The following RBFOX3 variants were observed in gnomAD, a reference collection of about 807,000 sequenced individuals.
The protein encoded by RBFOX3 is RNA binding protein fox-1 homolog 3.
Under a neutral mutation model 48.7 loss-of-function variants are expected in RBFOX3, and 17 were observed. That is an observed-to-expected ratio of 0.35 (90% CI 0.24 to 0.52). The LOEUF (loss-of-function observed/expected upper bound fraction) is 0.52. RBFOX3 is among the 20% of genes least tolerant of loss of function. RBFOX3 has a pLI of 0.94. For synonymous variants in RBFOX3, 212 were observed against 209.5 expected (o/e 1.01, Z -0.10); for missense variants, 382 against 497.5 (o/e 0.77, Z 2.21).
intron 4 of RBFOX3, among the ~76,000 whole-genome samples, chr17:79,209,309 C>T (rs764312725): frequency 6.6e-6 from 1 of 152,218 alleles, no homozygotes; most frequent in Non-Finnish European, 1.5e-5. Context: ...CATGTTTGCA[C>T]CTGCTCTGTA....
intron 2 of RBFOX3, among the ~76,000 whole-genome samples, chr17:79,360,682 G>A (rs186747514): frequency 6.6e-5 from 10 of 152,116 alleles, no homozygotes; most frequent in African/African-American, 1.4e-4. Flanking sequence ...ATTTCCCTCC[G>A]CCATCTGTTA....
chr17:79,123,226 T>C (rs1247861621), intron 4 of RBFOX3, among the ~76,000 whole-genome samples: 1 of 152,234 alleles, frequency 6.6e-6, no homozygotes, highest in Non-Finnish European at 1.5e-5. Context: ...GTATTGTGTG[T>C]AACAGAAAGG....
intron 2 of RBFOX3, among the ~76,000 whole-genome samples, chr17:79,371,951 G>A (rs1166980913): frequency 6.6e-6 from 1 of 152,154 alleles, no homozygotes; most frequent in Admixed American, 6.5e-5. Flanking sequence ...GCAGGCCAAG[G>A]AGAGGTGCAG....
chr17:79,346,587 G>C (rs1397718032), intron 2 of RBFOX3, among the ~76,000 whole-genome samples: 2 of 152,108 alleles, frequency 1.3e-5, no homozygotes, highest in South Asian at 4.1e-4. Flanking sequence ...CTAATTTTTG[G>C]TGTCTTAATC....
At chr17:79,120,307 C>T (rs8076063) in intron 4 of RBFOX3, among the ~76,000 whole-genome samples, 135,874 of 152,152 alleles carry the variant, frequency 0.89, 60,956 homozygotes, top group Non-Finnish European at 0.94. Flanking sequence ...TACGTATGTA[C>T]GTATGTATGC....
At chr17:79,499,182 A>G (rs2082048047) in intron 1 of RBFOX3, among the ~76,000 whole-genome samples, 1 of 149,910 alleles carries the variant, frequency 6.7e-6, no homozygotes, top group Non-Finnish European at 1.5e-5. Context: ...CTACCCATTC[A>G]CTCATCTATT....
chr17:79,427,879 A>G (rs575837856), intron 2 of RBFOX3, among the ~76,000 whole-genome samples: 1 of 152,356 alleles, frequency 6.6e-6, no homozygotes, highest in African/African-American at 2.4e-5. Flanking sequence ...CACGTCCCTG[A>G]GGATGCTTTG....
In RBFOX3 at chr17:79,301,401, G is replaced by A. The variant is rs186580341; in HGVS notation, c.-74+6323C>T. Among the ~76,000 whole-genome samples the A allele has an allele frequency of 3.3e-5, 5 of 152,328 alleles. No homozygotes were observed. In the East Asian group the frequency reaches 7.7e-4, roughly 23 times the overall value. On this transcript the variant is annotated intron_variant, in intron 3 of 14. Transcript: ENST00000693108. ...CCCATAAGCCTTGTGCAGCACCAGCGGGAACACTGCCTTGGTGGCATGTGT... is the reference window on the plus strand; with the variant it reads ...CCCATAAGCCTTGTGCAGCACCAGCAGGAACACTGCCTTGGTGGCATGTGT...
At chr17:79,540,910 C>T (rs895225670) in intron 1 of RBFOX3, among the ~76,000 whole-genome samples, 1 of 152,290 alleles carries the variant, frequency 6.6e-6, no homozygotes, top group East Asian at 1.9e-4. Context: ...AGACACGGGG[C>T]CACTAGCTGC....
At chr17:79,433,816 TC>T (rs2068910796) in intron 2 of RBFOX3, among the ~76,000 whole-genome samples, 1 of 152,146 alleles carries the variant, frequency 6.6e-6, no homozygotes, top group Non-Finnish European at 1.5e-5. Context: ...AACCAAGGGC[TC>T]CCGGGGAAAT....
At chr17:79,108,824 C>T (rs1018601405) in intron 5 of RBFOX3, among the ~76,000 whole-genome samples, 3 of 152,242 alleles carry the variant, frequency 2.0e-5, no homozygotes, top group East Asian at 1.9e-4. Context: ...CACAGCCTCC[C>T]CCGTACCACA....
At chr17:79,386,684 G>A (rs551158382) in intron 2 of RBFOX3, among the ~76,000 whole-genome samples, 36 of 152,236 alleles carry the variant, frequency 2.4e-4, no homozygotes, top group African/African-American at 8.2e-4. Flanking sequence ...TTCCCCACCC[G>A]ACATCTTGGC....
rs2059656425 is a variant in RBFOX3, at chr17:79,220,981, T to TCCC, written c.-34+14784_-34+14785insGGG. Among the ~76,000 whole-genome samples, 1 of 152,178 alleles carries TCCC rather than the reference T, an allele frequency of 6.6e-6. No homozygotes were observed. The highest frequency in any genetic ancestry group is 2.4e-5 in the African/African-American group (1 of 41,444). On this transcript the variant is annotated intron_variant, in intron 4 of 14. Transcript: ENST00000693108. This position sits in a 1 kb window ranked among gnomAD's most constrained non-coding sequence, Gnocchi z 5.9. ...GCCTGCATCTAACGTCTGTCCTGCCTCAGCGTTTTCCAGGACACCCCATCC... is the reference window on the plus strand; with the variant it reads ...GCCTGCATCTAACGTCTGTCCTGCCTCCCCAGCGTTTTCCAGGACACCCCATCC...
intron 1 of RBFOX3, among the ~76,000 whole-genome samples, chr17:79,558,201 GAGGGCCACGTGGCCC>G (rs1190129486): frequency 2.5e-3 from 384 of 152,312 alleles, no homozygotes; most frequent in African/African-American, 9.0e-3. Context: ...GAGGAGCTGA[GAGGGCCACGTGGCCC>G]AGGCCCAGGG....
At chr17:79,376,130 G>C (rs1225189561) in intron 2 of RBFOX3, among the ~76,000 whole-genome samples, 1 of 152,138 alleles carries the variant, frequency 6.6e-6, no homozygotes, top group Non-Finnish European at 1.5e-5. Context: ...TGGTGGCCCT[G>C]TGTCCCCCAA....
At chr17:79,292,612 A>ACACACACACG (rs1567988425) in intron 3 of RBFOX3, among the ~76,000 whole-genome samples, 1 of 68,784 alleles carries the variant, frequency 1.5e-5, no homozygotes, top group African/African-American at 5.7e-5. Context: ...ACACACACAC[A>ACACACACACG]CACATACATG....
At chr17:79,521,723 A>G (rs1330861594) in intron 1 of RBFOX3, among the ~76,000 whole-genome samples, 4 of 152,058 alleles carry the variant, frequency 2.6e-5, no homozygotes, top group Non-Finnish European at 5.9e-5. Context: ...ATACATTCAC[A>G]CAGGCACACA....
chr17:79,367,999 A>T (rs1373786505), intron 2 of RBFOX3, among the ~76,000 whole-genome samples: 1 of 152,226 alleles, frequency 6.6e-6, no homozygotes, highest in African/African-American at 2.4e-5. Context: ...GGTCAGGGAC[A>T]CCTGAAATTC....
At chr17:79,383,175 G>A (rs1354472882) in intron 2 of RBFOX3, among the ~76,000 whole-genome samples, 1 of 152,178 alleles carries the variant, frequency 6.6e-6, no homozygotes, top group Non-Finnish European at 1.5e-5. Context: ...GGGAAAAGGG[G>A]TGTATCCATA....
Sources: gnomAD v4.1 joint callset for allele counts (sites outside exome capture counted in the v4.1 genomes callset) on GRCh38, gnomAD v4.1.1 for gene constraint, Gnocchi (gnomAD v3.1) non-coding constraint, MANE v1.5 for transcripts, NCBI Gene and HGNC (gene_info 2026-07-23, HGNC 2026-07-21) for gene names.